The following ZC3H12B variants were observed in gnomAD, a reference collection of about 807,000 sequenced individuals.
The protein encoded by ZC3H12B is zinc finger CCCH-type containing 12B, also known as probable ribonuclease ZC3H12B.
In ZC3H12B, 7 loss-of-function variants were observed where a neutral mutation model predicts 43.9. The observed-to-expected ratio is 0.16, with a 90% confidence interval of 0.09 to 0.30. ZC3H12B has a LOEUF of 0.30. ZC3H12B is among the 10% of genes least tolerant of loss of function. The probability of loss-of-function intolerance (pLI) is 1.00; values close to 1 mark genes in which losing one functional copy is unlikely to be tolerated. For missense variants in ZC3H12B, 475 were observed against 670.2 expected, an observed-to-expected ratio of 0.71 and a Z score of 3.22; for synonymous variants, 222 against 241.7, an observed-to-expected ratio of 0.92 and a Z score of 0.76.
chrX:65,076,185 T>C, the ZC3H12B span, among the ~76,000 whole-genome samples: 2 of 109,543 alleles, frequency 1.8e-5, no homozygotes, highest in Non-Finnish European at 3.8e-5. Context: ...AAGGTCTTGC[T>C]CTATCACCTA....
At chrX:65,047,091 G>A in the ZC3H12B span, among the ~76,000 whole-genome samples, 12 of 111,339 alleles carry the variant, frequency 1.1e-4, no homozygotes, top group African/African-American at 3.9e-4. Context: ...GAAATATTAT[G>A]AGAGTTAACA....
chrX:65,139,858 G>A, the ZC3H12B span, among the ~76,000 whole-genome samples: 105 of 111,252 alleles, frequency 9.4e-4, no homozygotes, highest in Admixed American at 4.9e-3. Flanking sequence ...TTATAAATTG[G>A]AATGTTTTCT....
At chrX:65,428,138 C>A (rs924852360) in intron 3 of ZC3H12B, among the ~76,000 whole-genome samples, 2 of 112,117 alleles carry the variant, frequency 1.8e-5, no homozygotes, top group South Asian at 3.8e-4. Context: ...CACTGTTAGT[C>A]TGATGGGCTT....
exon 3 of ZC3H12B, chrX:65,398,618 G>A (rs2066728660): frequency 8.9e-6 from 1 of 111,972 alleles, no homozygotes; most frequent in Non-Finnish European, 1.9e-5. Flanking sequence ...ACATTGTGAA[G>A]ATGTGTGTGC....
intron 1 of ZC3H12B, among the ~76,000 whole-genome samples, chrX:65,493,312 C>T (rs368332565): frequency 3.7e-5 from 4 of 108,632 alleles, no homozygotes; most frequent in Admixed American, 9.9e-5. Context: ...GAACCCAGAA[C>T]GCAGAGGTTG....
At chrX:65,051,540 T>C in the ZC3H12B span, among the ~76,000 whole-genome samples, 1 of 111,526 alleles carries the variant, frequency 9.0e-6, no homozygotes, top group Non-Finnish European at 1.9e-5. Flanking sequence ...AAAAGGGGCA[T>C]TTCACCTAGA....
the ZC3H12B span, among the ~76,000 whole-genome samples, chrX:65,231,735 C>T: frequency 6.3e-5 from 7 of 111,426 alleles, no homozygotes; most frequent in Non-Finnish European, 9.4e-5. Flanking sequence ...GGTTATCTTT[C>T]CTTGTTCCCT....
intron 3 of ZC3H12B, among the ~76,000 whole-genome samples, chrX:65,433,978 C>T (rs1188022916): frequency 9.0e-6 from 1 of 111,685 alleles, no homozygotes; most frequent in Admixed American, 9.5e-5. Flanking sequence ...GGCTTTTTAT[C>T]TATTTCACTT....
the ZC3H12B span, among the ~76,000 whole-genome samples, chrX:65,084,326 A>C: frequency 8.9e-6 from 1 of 111,806 alleles, no homozygotes; most frequent in African/African-American, 3.2e-5. Flanking sequence ...GACAATCCAC[A>C]GGATGGGAGA....
At chrX:65,472,192 A>C (rs2067924058) in intron 3 of ZC3H12B, among the ~76,000 whole-genome samples, 1 of 111,541 alleles carries the variant, frequency 9.0e-6, no homozygotes. Flanking sequence ...TTATCTGGAG[A>C]AGTGTCTATT....
the ZC3H12B span, among the ~76,000 whole-genome samples, chrX:65,107,996 C>G: frequency 8.1e-5 from 9 of 111,570 alleles, no homozygotes; most frequent in East Asian, 2.6e-3. Context: ...AACCCAAAGA[C>G]AAGTGTTTGT....
At chrX:65,456,680 G>C in intron 3 of ZC3H12B, among the ~76,000 whole-genome samples, 1 of 108,090 alleles carries the variant, frequency 9.3e-6, no homozygotes, top group Non-Finnish European at 1.9e-5. Context: ...CTAACCGCGA[G>C]TGATCAGCCA....
chrX:65,124,549 C>T, the ZC3H12B span, among the ~76,000 whole-genome samples: 2 of 110,676 alleles, frequency 1.8e-5, no homozygotes, highest in African/African-American at 6.6e-5. Flanking sequence ...GGAATAGTGT[C>T]AATAAGATTG....
chrX:65,132,885 TG>T, the ZC3H12B span, among the ~76,000 whole-genome samples: 50 of 111,375 alleles, frequency 4.5e-4, no homozygotes, highest in African/African-American at 1.5e-3. Context: ...CCGAGGTGAT[TG>T]GGCAGCGTCA....
chrX:65,418,743 A>G (rs967462429), intron 3 of ZC3H12B, among the ~76,000 whole-genome samples: 1 of 112,044 alleles, frequency 8.9e-6, no homozygotes, highest in African/African-American at 3.2e-5. Flanking sequence ...AATAGTGAAA[A>G]CTAAGCGACA....
At chrX:65,277,168 AC>A in the ZC3H12B span, among the ~76,000 whole-genome samples, 1 of 112,091 alleles carries the variant, frequency 8.9e-6, no homozygotes. Context: ...AGAGAAAATA[AC>A]AGTTGTAAAT....
chrX:65,042,747 A>G, the ZC3H12B span, among the ~76,000 whole-genome samples: 3 of 111,978 alleles, frequency 2.7e-5, no homozygotes, highest in Admixed American at 2.8e-4. Context: ...AACTAGCTTA[A>G]AGAAAAAAAG....
At chrX:65,298,613 G>A in the ZC3H12B span, among the ~76,000 whole-genome samples, 1 of 111,380 alleles carries the variant, frequency 9.0e-6, no homozygotes, top group African/African-American at 3.3e-5. Context: ...ATACCCAAAG[G>A]AAATGAAATC....
the ZC3H12B span, among the ~76,000 whole-genome samples, chrX:65,080,913 A>G: frequency 9.0e-6 from 1 of 111,274 alleles, no homozygotes; most frequent in Non-Finnish European, 1.9e-5. Context: ...AATAATAACT[A>G]AAACAACTTT....
Sources: allele counts gnomAD v4.1 joint callset (sites outside exome capture counted in the v4.1 genomes callset), GRCh38; gene constraint gnomAD v4.1.1; transcripts MANE v1.5; gene names NCBI Gene and HGNC (gene_info 2026-07-23, HGNC 2026-07-21).